TMEM135: variants seen among roughly 807,000 people sequenced by gnomAD.
The protein encoded by TMEM135 is peroxisomal membrane protein 52.
In TMEM135, 30 loss-of-function variants were observed where a neutral mutation model predicts 60.3. The observed-to-expected ratio is 0.50, with a 90% CI of 0.37 to 0.68. The LOEUF is 0.68. Ranked by LOEUF, TMEM135 falls within the 30% of genes least tolerant of loss-of-function variation. The pLI is 0.00. For synonymous variants in TMEM135, 190 were observed against 186.7 expected (o/e 1.02, Z -0.14); for missense variants, 468 against 548.8 (o/e 0.85, Z 1.47).
intron 5 of TMEM135, among the ~76,000 whole-genome samples, chr11:87,174,244 C>T (rs1379402567): frequency 2.0e-5 from 3 of 152,098 alleles, no homozygotes; most frequent in African/African-American, 7.2e-5. Flanking sequence ...TCTGATTTAT[C>T]TATCATATTT....
chr11:87,234,987 A>G (rs968604931), intron 5 of TMEM135, among the ~76,000 whole-genome samples: 26 of 151,986 alleles, frequency 1.7e-4, no homozygotes, highest in African/African-American at 6.3e-4. Flanking sequence ...CAAGGGGGAC[A>G]CTGATTAGTG....
intron 3 of TMEM135, among the ~76,000 whole-genome samples, chr11:87,082,342 C>T (rs904921450): frequency 1.3e-5 from 2 of 152,038 alleles, no homozygotes; most frequent in Admixed American, 6.6e-5. Flanking sequence ...TGTAAGACTT[C>T]ATTAAATATC....
chr11:87,319,248 T>TAA (rs1410411302), intron 13 of TMEM135, 62 bp from the exon 14 acceptor site: 1 of 1,318,138 alleles, frequency 7.6e-7, no homozygotes, highest in Non-Finnish European at 1.1e-6. Context: ...CACCTTTGTG[T>TAA]ATTTCATCAC....
At chr11:87,184,277 G>A (rs1383886157) in intron 5 of TMEM135, among the ~76,000 whole-genome samples, 1 of 152,074 alleles carries the variant, frequency 6.6e-6, no homozygotes. Flanking sequence ...ATTTTCGATA[G>A]CCTTTCTATT....
intron 5 of TMEM135, among the ~76,000 whole-genome samples, chr11:87,173,799 G>T (rs1440932204): frequency 6.6e-6 from 1 of 152,128 alleles, no homozygotes; most frequent in Non-Finnish European, 1.5e-5. Flanking sequence ...TATACTAATA[G>T]CAGTGTTATT....
chr11:87,236,527 T>C (rs1295632840), intron 5 of TMEM135, 111 bp from the exon 6 acceptor site: 3 of 902,058 alleles, frequency 3.3e-6, no homozygotes, highest in Non-Finnish European at 5.5e-6. Context: ...CTGGTTTGTA[T>C]ATCCTTTTAT....
At chr11:87,234,968 T>A (rs1232634009) in intron 5 of TMEM135, among the ~76,000 whole-genome samples, 1 of 151,870 alleles carries the variant, frequency 6.6e-6, no homozygotes, top group Non-Finnish European at 1.5e-5. Flanking sequence ...AGGTTTTTAG[T>A]GTGATCTGCA....
At chr11:87,255,587 A>G (rs1424200520) in intron 6 of TMEM135, among the ~76,000 whole-genome samples, 2 of 152,084 alleles carry the variant, frequency 1.3e-5, no homozygotes, top group African/African-American at 2.4e-5. Context: ...GTAGTGCGCT[A>G]CGATTGTGCC....
At chr11:87,163,026 T>G (rs866318482) in intron 5 of TMEM135, among the ~76,000 whole-genome samples, 9 of 151,804 alleles carry the variant, frequency 5.9e-5, no homozygotes, top group Non-Finnish European at 5.9e-5. Context: ...TCTTTTTTTT[T>G]TTTAATTTTT....
At chr11:87,091,461 T>G (rs892258535) in intron 4 of TMEM135, 66 bp downstream of exon 4, 13 of 1,515,910 alleles carry the variant, frequency 8.6e-6, no homozygotes, top group Non-Finnish European at 1.2e-5. Context: ...TCAAGTTTTC[T>G]TAAAAAAAGT....
Position 87,325,516 on chromosome 11 carries a change from CTCTG to C in TMEM135, c.*4191_*4194del, listed in dbSNP as rs1330800600. On this transcript the variant is annotated 3_prime_UTR_variant, in exon 15 of 15. Coordinates refer to ENST00000305494, the MANE Select transcript of TMEM135 (RefSeq NM_022918.4). ...TCTCTCTCTCTCCCTCTCTCTCTCT[CTCTG>C]TCTGTCTCTCTTGCTGCTCCCTCTC... is the stretch of plus-strand genomic sequence containing the variant. 1.8e-5 allele frequency: 8 copies of C among 453,878 alleles called. No individual in the cohort carries two copies. The highest frequency in any genetic ancestry group is 1.1e-4 in the South Asian group (7 of 64,468). The allele number at this position is 453,878 out of a possible 1,614,324, so 28.1% of individuals were successfully genotyped here.
Position 87,328,525 on chromosome 11 carries a change from C to T in TMEM135, c.*7192C>T, listed in dbSNP as rs1359347035. On this transcript the variant is annotated 3_prime_UTR_variant, in exon 15 of 15. Transcript: ENST00000305494. ...CTTCCCCTTCTGAGTCTCCATAGTC[C>T]ATTATATCACTCTGTATACCCTTGT... 1 of 453,988 alleles carries T rather than the reference C, an allele frequency of 2.2e-6. No homozygotes were observed. The highest frequency in any genetic ancestry group is 4.4e-6 in the Non-Finnish European group (1 of 226,772). 28.1% of individuals were successfully genotyped at this position (453,988 alleles called of 1,614,324 possible).
intron 4 of TMEM135, among the ~76,000 whole-genome samples, chr11:87,142,670 T>G (rs1348871481): frequency 6.6e-6 from 1 of 151,968 alleles, no homozygotes; most frequent in Non-Finnish European, 1.5e-5. Flanking sequence ...TTTGGAGTTC[T>G]TTTAGCTTCC....
rs1393766815 is a variant in TMEM135 at position 87,049,698 on chromosome 11, C to T, written c.141+11512C>T. 4.3e-5 allele frequency among the ~76,000 whole-genome samples: 4 copies of T among 92,052 alleles called. No homozygotes were observed. The South Asian group carries it at 1.6e-3, about 37-fold the overall frequency. 60.4% of individuals were successfully genotyped at this position (92,052 alleles called of 152,430 possible). A position where few individuals can be genotyped will look rare whatever the true frequency, so the allele number is the denominator to read the frequency against. On this transcript the variant is annotated intron_variant, in intron 1 of 14. Coordinates refer to ENST00000305494, the MANE Select transcript of TMEM135 (RefSeq NM_022918.4). ...TGAGTGACCTACAAAGAGACTTAGA[C>T]TCCCACACATTAATAATGGGAGACT...
intron 4 of TMEM135, chr11:87,096,662 T>G (rs1357818684): frequency 2.0e-5 from 3 of 152,202 alleles, no homozygotes; most frequent in African/African-American, 7.2e-5. Flanking sequence ...CAGTTTCCAT[T>G]GGGAAAAAAC....
intron 5 of TMEM135, among the ~76,000 whole-genome samples, chr11:87,222,322 C>T (rs574614188): frequency 7.2e-4 from 108 of 149,424 alleles, no homozygotes; most frequent in Non-Finnish European, 1.4e-3. Context: ...CGGTGAAACC[C>T]CGTCTCTACT....
intron 6 of TMEM135, among the ~76,000 whole-genome samples, chr11:87,245,499 G>A (rs1436006983): frequency 1.4e-5 from 2 of 141,994 alleles, no homozygotes; most frequent in African/African-American, 5.4e-5. Context: ...TCTCTTTGTA[G>A]GTCACTCAGG....
chr11:87,195,383 T>TTCCG (rs1939923981), intron 5 of TMEM135, among the ~76,000 whole-genome samples: 1 of 83,110 alleles, frequency 1.2e-5, no homozygotes, highest in African/African-American at 4.5e-5. Context: ...CCTTCCTTCC[T>TTCCG]TCCTTCCTTC....
At chr11:87,171,749 C>T (rs187218651) in intron 5 of TMEM135, among the ~76,000 whole-genome samples, 31 of 152,248 alleles carry the variant, frequency 2.0e-4, no homozygotes, top group African/African-American at 6.7e-4. Flanking sequence ...ACCTTTTTGG[C>T]ACGAGGGACC....
Sources: allele counts gnomAD v4.1 joint callset (sites outside exome capture counted in the v4.1 genomes callset), GRCh38; gene constraint gnomAD v4.1.1; transcripts MANE v1.5; gene names NCBI Gene and HGNC (gene_info 2026-07-23, HGNC 2026-07-21).